The following SLC26A7 variants were observed in gnomAD, a reference collection of about 807,000 sequenced individuals.
The protein encoded by SLC26A7 is anion exchange transporter.
Under a neutral mutation model 82.5 loss-of-function variants are expected in SLC26A7, and 59 were observed. The ratio of observed to expected loss-of-function variants is 0.72; its 90% confidence interval spans 0.58 to 0.89. The LOEUF (loss-of-function observed/expected upper bound fraction) is 0.89, where lower values mean the gene tolerates loss of function less well. Ranked by LOEUF, SLC26A7 falls within the 40% of genes least tolerant of loss-of-function variation. The pLI, the probability that SLC26A7 is intolerant of heterozygous loss-of-function variation, is 0.00. For synonymous variants in SLC26A7, 271 were observed against 274.3 expected (o/e 0.99, Z 0.12); for missense variants, 820 against 793.0 (o/e 1.03, Z -0.41).
intron 9 of SLC26A7, among the ~76,000 whole-genome samples, chr8:91,348,624 G>T (rs1813630020): frequency 6.6e-6 from 1 of 152,162 alleles, no homozygotes; most frequent in African/African-American, 2.4e-5. Flanking sequence ...ATCCTAGCCA[G>T]TGTTTGCCCA....
chr8:91,285,587 A>C (rs1412733211), intron 2 of SLC26A7, among the ~76,000 whole-genome samples: 1 of 152,276 alleles, frequency 6.6e-6, no homozygotes, highest in East Asian at 1.9e-4. Context: ...TCAACCCATA[A>C]AGCATAAAGA....
At chr8:91,236,567 T>TA (rs34866045) in intron 2 of SLC26A7, among the ~76,000 whole-genome samples, 81,207 of 150,324 alleles carry the variant, frequency 0.54, 24,243 homozygotes, top group African/African-American at 0.8. Context: ...TCTGTGCAGA[T>TA]AAAAAAAAAA....
chr8:91,212,522 T>C (rs1454151313), intron 1 of SLC26A7, among the ~76,000 whole-genome samples: 4 of 152,174 alleles, frequency 2.6e-5, no homozygotes, highest in Admixed American at 6.6e-5. Context: ...AAATGAAAAT[T>C]TGTAACTTTA....
chr8:91,390,723 G>A (rs767595032), intron 16 of SLC26A7, among the ~76,000 whole-genome samples: 4 of 152,032 alleles, frequency 2.6e-5, no homozygotes, highest in Non-Finnish European at 5.9e-5. Flanking sequence ...CTCTCCCTGA[G>A]CTCTGGTTGT....
Position 91,396,213 on chromosome 8 carries a change from A to C in SLC26A7, c.*1116A>C, listed in dbSNP as rs1034809291. The stretch of plus-strand genomic sequence containing the variant: ...TATATTTTCAATCACATACAAGTAC[A>C]TAGAATTTCACATTTTAATTTAGCA... On this transcript the variant is annotated 3_prime_UTR_variant, in exon 19 of 19. Transcript: ENST00000276609. 4 of 152,096 alleles carry C rather than the reference A, an allele frequency of 2.6e-5. No homozygotes were observed. Among genetic ancestry groups the C allele is most frequent in the Non-Finnish European group, 4.4e-5 (3 of 67,920 alleles). The allele number at this position is 152,096 out of a possible 1,614,324, so 9.4% of individuals were successfully genotyped here.
chr8:91,307,543 G>C (rs1418108048), intron 4 of SLC26A7, among the ~76,000 whole-genome samples: 1 of 144,090 alleles, frequency 6.9e-6, no homozygotes, highest in Non-Finnish European at 1.5e-5. Context: ...GTAAACTATC[G>C]CAAGAACAAA....
intron 11 of SLC26A7, among the ~76,000 whole-genome samples, chr8:91,355,152 G>A (rs542441613): frequency 3.9e-5 from 6 of 152,014 alleles, no homozygotes; most frequent in Admixed American, 1.3e-4. Flanking sequence ...ACAGGTCAAC[G>A]TAATTTTTTT....
chr8:91,249,053 T>C (rs1321745174), upstream of SLC26A7, among the ~76,000 whole-genome samples: 3 of 152,144 alleles, frequency 2.0e-5, no homozygotes, highest in Non-Finnish European at 4.4e-5. Context: ...GAACTGGCAG[T>C]CATCTGATAA....
chr8:91,219,409 G>T (rs1488879145), intron 2 of SLC26A7, among the ~76,000 whole-genome samples: 1 of 152,036 alleles, frequency 6.6e-6, no homozygotes, highest in Non-Finnish European at 1.5e-5. Context: ...ATATTTGTGT[G>T]ATTTCATTTG....
At chr8:91,212,893 A>G (rs988384675) in intron 1 of SLC26A7, among the ~76,000 whole-genome samples, 1 of 152,226 alleles carries the variant, frequency 6.6e-6, no homozygotes, top group African/African-American at 2.4e-5. Flanking sequence ...ATTAGAGTAT[A>G]AACATGAGCT....
intron 4 of SLC26A7, among the ~76,000 whole-genome samples, chr8:91,308,189 A>T (rs182715287): frequency 6.6e-6 from 1 of 151,794 alleles, no homozygotes; most frequent in Admixed American, 6.6e-5. Context: ...CTCAATCGGG[A>T]TATGTTTGAT....
rs114192634 is a variant in SLC26A7 at position 91,383,135 on chromosome 8, C to T, written c.1676-6203C>T. Among the ~76,000 whole-genome samples the T allele has an allele frequency of 8.0e-3, 1,223 of 152,216 alleles. 14 individuals are homozygous for T. Among genetic ancestry groups the T allele is most frequent in the African/African-American group, 0.028 (1,163 of 41,550 alleles). Reference sequence around the variant, plus strand: ...AATCTAGAGAAGAGGAGTGAAGTTTCTATCTTCCTCTTCTTTGGTCACCAG... The same window carrying T: ...AATCTAGAGAAGAGGAGTGAAGTTTTTATCTTCCTCTTCTTTGGTCACCAG... On this transcript the variant is annotated intron_variant, in intron 15 of 18. Transcript: ENST00000276609.
At chr8:91,302,405 T>C (rs1250823126) in intron 4 of SLC26A7, among the ~76,000 whole-genome samples, 1 of 152,134 alleles carries the variant, frequency 6.6e-6, no homozygotes, top group African/African-American at 2.4e-5. Context: ...CTCTCACTCA[T>C]TGGCCTTCAG....
At chr8:91,344,261 A>G (rs1813499806) in intron 9 of SLC26A7, 3 of 955,108 alleles carry the variant, frequency 3.1e-6, no homozygotes, top group Non-Finnish European at 3.7e-6. Context: ...AGAAGGTTAA[A>G]GTAACTTACC....
chr8:91,336,710 T>A (rs966107672), intron 6 of SLC26A7, among the ~76,000 whole-genome samples: 1 of 152,144 alleles, frequency 6.6e-6, no homozygotes, highest in South Asian at 2.1e-4. Context: ...ATTACTCAAC[T>A]GATAAGGAAA....
intron 2 of SLC26A7, among the ~76,000 whole-genome samples, chr8:91,260,457 T>C (rs1226240163): frequency 6.6e-6 from 1 of 152,110 alleles, no homozygotes; most frequent in Admixed American, 6.6e-5. Context: ...GCCTAAGCCA[T>C]ACGTTCCTTG....
intron 5 of SLC26A7, among the ~76,000 whole-genome samples, chr8:91,332,721 A>G (rs549528212): frequency 6.6e-6 from 1 of 151,696 alleles, no homozygotes; most frequent in South Asian, 2.1e-4. Flanking sequence ...TCATAGGGAA[A>G]GAGTCTTGCT....
At chr8:91,389,197 A>G in intron 15 of SLC26A7, 141 bp from the exon 16 acceptor site, 1 of 639,996 alleles carries the variant, frequency 1.6e-6, no homozygotes, top group Admixed American at 2.6e-5. Context: ...TTAATAATTT[A>G]CTGAAAAATG....
At position 91,268,604 on chromosome 8, in the gene SLC26A7, T is replaced by C. The variant is rs190037228; in HGVS notation, c.193+18760T>C. ...TTAATTCATTCAGCCATATTCAAAG[T>C]GTCACTGATAGTGACACACTGTCTG... On this transcript the variant is annotated intron_variant, in intron 2 of 18. Transcript: ENST00000276609. 1.8e-4 allele frequency among the ~76,000 whole-genome samples: 28 copies of C among 151,942 alleles called. No individual in the cohort carries two copies. In the East Asian group the frequency reaches 4.3e-3, roughly 23 times the overall value.
Sources: gnomAD v4.1 joint callset for allele counts (sites outside exome capture counted in the v4.1 genomes callset) on GRCh38, gnomAD v4.1.1 for gene constraint, MANE v1.5 for transcripts, NCBI Gene and HGNC (gene_info 2026-07-23, HGNC 2026-07-21) for gene names.